The following SH3RF3 variants were observed in gnomAD, a reference collection of about 807,000 sequenced individuals.
SH3RF3 encodes E3 ubiquitin-protein ligase SH3RF3.
A neutral mutation model predicts 66.3 loss-of-function variants in SH3RF3; 29 were observed. The observed-to-expected ratio is 0.44, with a 90% CI of 0.33 to 0.60. SH3RF3 has a LOEUF of 0.60. Among genes scored for constraint, SH3RF3 ranks in the 20% least tolerant of loss-of-function variants. SH3RF3 has a pLI of 0.04. For missense variants in SH3RF3, 1,194 were observed against 1,190.9 expected (o/e 1.00, Z -0.04); for synonymous variants, 583 against 532.0 (o/e 1.10, Z -1.32).
chr2:109,440,050 AAGG>A, intron 7 of SH3RF3, among the ~76,000 whole-genome samples: 1 of 152,192 alleles, frequency 6.6e-6, no homozygotes, highest in Non-Finnish European at 1.5e-5. Context: ...ACAAAAGAGA[AAGG>A]AGGTTCAGAG....
Position 109,237,800 on chromosome 2 carries a change from CA to C in SH3RF3, c.573+107690del, listed in dbSNP as rs571435874. On this transcript the variant is annotated intron_variant, in intron 1 of 9. Transcript: ENST00000309415. ...TCATCCTGAAAACAAACACAAAAAA[CA>C]AATACTTTCTACACAAAGTTTCCAT... 1.4e-4 allele frequency among the ~76,000 whole-genome samples: 21 copies of C among 152,210 alleles called. No homozygotes were observed. The South Asian group carries it at 4.4e-3, about 32-fold the overall frequency.
chr2:109,492,792 G>A (rs1679163667), intron 9 of SH3RF3, among the ~76,000 whole-genome samples: 1 of 152,102 alleles, frequency 6.6e-6, no homozygotes, highest in African/African-American at 2.4e-5. Flanking sequence ...CCAGTCCTGT[G>A]TAGTCACAGG....
chr2:109,254,443 T>C (rs1680172459), intron 1 of SH3RF3, among the ~76,000 whole-genome samples: 1 of 152,146 alleles, frequency 6.6e-6, no homozygotes, highest in African/African-American at 2.4e-5. Flanking sequence ...ATTAATGCTG[T>C]AAAGTACTTA....
intron 1 of SH3RF3, among the ~76,000 whole-genome samples, chr2:109,316,056 T>G (rs1398531531): frequency 6.6e-6 from 1 of 152,048 alleles, no homozygotes; most frequent in Non-Finnish European, 1.5e-5. Flanking sequence ...TATTTAGAGA[T>G]TAGATGTGGT....
chr2:109,399,795 C>T (rs558007483), intron 4 of SH3RF3, among the ~76,000 whole-genome samples: 2 of 152,330 alleles, frequency 1.3e-5, no homozygotes, highest in South Asian at 4.1e-4. Flanking sequence ...AAGGGGCTTT[C>T]CCAGTGCCCG....
chr2:109,129,662 G>A lies in SH3RF3; in HGVS notation c.122G>A (p.Gly41Glu). 1 of 1,507,458 alleles carries A rather than the reference G, an allele frequency of 6.6e-7. No homozygotes were observed. Among genetic ancestry groups the A allele is most frequent in the South Asian group, 1.2e-5 (1 of 80,676 alleles). The allele number at this position is 1,507,458 out of a possible 1,614,324, so 93.4% of individuals were successfully genotyped here. A position where few individuals can be genotyped will look rare whatever the true frequency, so the allele number is the denominator to read the frequency against. Residue 41 changes from glycine to glutamate, a missense_variant, in exon 1 of 10, where the codon GGG (glycine) becomes GAG (glutamate). Transcript: ENST00000309415. ...RRRRAAATAA[G>E]AGEDMDESSL... ...CGTCGGGCGGCGGCCACCGCCGCGGGGGCGGGCGAGGACATGGACGAGTCG... is the reference window on the plus strand; with the variant it reads ...CGTCGGGCGGCGGCCACCGCCGCGGAGGCGGGCGAGGACATGGACGAGTCG...
chr2:109,166,523 C>T (rs1321015502), intron 1 of SH3RF3, among the ~76,000 whole-genome samples: 2 of 150,886 alleles, frequency 1.3e-5, no homozygotes, highest in East Asian at 2.0e-4. Flanking sequence ...GGTAGTGTTA[C>T]AGCTCTCTCT....
intron 8 of SH3RF3, among the ~76,000 whole-genome samples, chr2:109,451,118 A>G (rs1677855759): frequency 6.6e-6 from 1 of 152,212 alleles, no homozygotes; most frequent in African/African-American, 2.4e-5. Flanking sequence ...GTCCAGAGCA[A>G]TGGTTGTTCC....
At chr2:109,336,435 A>G (rs992320292) in intron 1 of SH3RF3, among the ~76,000 whole-genome samples, 9 of 152,240 alleles carry the variant, frequency 5.9e-5, no homozygotes, top group Non-Finnish European at 8.8e-5. Context: ...GGAAGCTGCC[A>G]CCAATAAGTT....
At chr2:109,435,212 C>A (rs1677366112) in intron 6 of SH3RF3, among the ~76,000 whole-genome samples, 2 of 152,202 alleles carry the variant, frequency 1.3e-5, no homozygotes, top group Admixed American at 6.5e-5. Flanking sequence ...TGTTGAAGGC[C>A]ATGGGTCCCT....
At chr2:109,279,109 C>T (rs1310138249) in intron 1 of SH3RF3, among the ~76,000 whole-genome samples, 2 of 152,056 alleles carry the variant, frequency 1.3e-5, no homozygotes, top group Non-Finnish European at 2.9e-5. Flanking sequence ...ATGGCAAATC[C>T]ACGTATCACC....
At chr2:109,465,394 A>T (rs1267949093) in intron 8 of SH3RF3, among the ~76,000 whole-genome samples, 1 of 152,232 alleles carries the variant, frequency 6.6e-6, no homozygotes, top group Non-Finnish European at 1.5e-5. Context: ...TAGTTTTGTA[A>T]GAAACTGCCA....
chr2:109,196,208 G>A (rs1678495581), intron 1 of SH3RF3, among the ~76,000 whole-genome samples: 1 of 152,196 alleles, frequency 6.6e-6, no homozygotes, highest in Non-Finnish European at 1.5e-5. Context: ...CACCCTTGAG[G>A]CCATGTCGGG....
chr2:109,246,923 A>G (rs1679931671), intron 1 of SH3RF3, among the ~76,000 whole-genome samples: 1 of 152,212 alleles, frequency 6.6e-6, no homozygotes, highest in African/African-American at 2.4e-5. Context: ...CTCCAGGCCA[A>G]TGCTGCAGCT....
At chr2:109,226,285 T>C (rs2105167391) in intron 1 of SH3RF3, among the ~76,000 whole-genome samples, 1 of 152,334 alleles carries the variant, frequency 6.6e-6, no homozygotes, top group Non-Finnish European at 1.5e-5. Context: ...AGAGTAGTTA[T>C]GTAAACAGAT....
At chr2:109,413,494 C>G (rs996431968) in intron 4 of SH3RF3, among the ~76,000 whole-genome samples, 1 of 152,164 alleles carries the variant, frequency 6.6e-6, no homozygotes. Flanking sequence ...CTCTGTCTGT[C>G]TGTCTCTTTC....
intron 1 of SH3RF3, among the ~76,000 whole-genome samples, chr2:109,228,345 A>G (rs1189109834): frequency 6.6e-6 from 1 of 152,114 alleles, no homozygotes; most frequent in Non-Finnish European, 1.5e-5. Flanking sequence ...TAGTCTGAAG[A>G]TGTTTGGGAT....
intron 3 of SH3RF3, among the ~76,000 whole-genome samples, chr2:109,383,705 C>T (rs746854754): frequency 4.6e-5 from 7 of 152,140 alleles, no homozygotes; most frequent in African/African-American, 1.4e-4. Flanking sequence ...GCTCAACCCC[C>T]GCAGAGGAGC....
chr2:109,492,679 A>T (rs1679159966), intron 9 of SH3RF3, among the ~76,000 whole-genome samples: 1 of 152,162 alleles, frequency 6.6e-6, no homozygotes, highest in Admixed American at 6.5e-5. Context: ...CCAAGATCAC[A>T]CAGCTAGTTA....
Sources: allele counts gnomAD v4.1 joint callset (sites outside exome capture counted in the v4.1 genomes callset), GRCh38; gene constraint gnomAD v4.1.1; transcripts MANE v1.5; gene names NCBI Gene and HGNC (gene_info 2026-07-23, HGNC 2026-07-21).